CACNA2D3: variants seen among roughly 807,000 people sequenced by gnomAD.
The protein encoded by CACNA2D3 is calcium voltage-gated channel auxiliary subunit alpha2delta 3, also known as voltage-dependent calcium channel subunit alpha-2/delta-3.
In CACNA2D3, 60 loss-of-function variants were observed where a neutral mutation model predicts 160.6. The observed-to-expected ratio is 0.37, with a 90% CI of 0.30 to 0.46. The LOEUF is 0.46. Among genes scored for constraint, CACNA2D3 ranks in the 20% least tolerant of loss-of-function variants. CACNA2D3 has a pLI of 1.00. For missense variants in CACNA2D3, 1,205 were observed against 1,365.0 expected (o/e 0.88, Z 1.85); for synonymous variants, 558 against 492.9 (o/e 1.13, Z -1.75).
intron 27 of CACNA2D3, chr3:54,919,039 AT>A: frequency 3.0e-6 from 2 of 656,700 alleles, no homozygotes; most frequent in Non-Finnish European, 4.7e-6. Flanking sequence ...TAACAACCAT[AT>A]TTTATGATTT....
intron 27 of CACNA2D3, chr3:54,925,023 G>A (rs946720243): frequency 3.7e-6 from 6 of 1,614,150 alleles, no homozygotes; most frequent in Non-Finnish European, 5.1e-6. Flanking sequence ...AAATGCAAAA[G>A]CAGGAAGATG....
At chr3:54,772,895 C>T (rs921754242) in intron 13 of CACNA2D3, among the ~76,000 whole-genome samples, 1 of 152,150 alleles carries the variant, frequency 6.6e-6, no homozygotes, top group Non-Finnish European at 1.5e-5. Context: ...AGTATCAAAC[C>T]AAGGAAGCAT....
At chr3:54,889,324 A>C (rs947073643) in intron 24 of CACNA2D3, among the ~76,000 whole-genome samples, 1 of 152,178 alleles carries the variant, frequency 6.6e-6, no homozygotes, top group Non-Finnish European at 1.5e-5. Context: ...TGCTGTGTGG[A>C]GAACAGAGGG....
chr3:54,679,300 G>T (rs1378307960), intron 11 of CACNA2D3, among the ~76,000 whole-genome samples: 1 of 152,116 alleles, frequency 6.6e-6, no homozygotes, highest in Non-Finnish European at 1.5e-5. Flanking sequence ...GCATTTTCTT[G>T]GGTATTATAT....
chr3:55,037,331 C>A (rs1703844469), intron 35 of CACNA2D3, among the ~76,000 whole-genome samples: 1 of 152,056 alleles, frequency 6.6e-6, no homozygotes, highest in South Asian at 2.1e-4. Flanking sequence ...AGATGGTGAA[C>A]CTACAGCTTA....
chr3:54,881,987 TA>T (rs1473495392), intron 21 of CACNA2D3, among the ~76,000 whole-genome samples: 1 of 152,118 alleles, frequency 6.6e-6, no homozygotes, highest in African/African-American at 2.4e-5. Context: ...TGAGATCGTA[TA>T]GGGGCAGAAA....
At chr3:54,363,270 A>G (rs1698775151) in intron 3 of CACNA2D3, among the ~76,000 whole-genome samples, 1 of 152,142 alleles carries the variant, frequency 6.6e-6, no homozygotes, top group Admixed American at 6.5e-5. Flanking sequence ...AGAGTATTGG[A>G]AAACACACAT....
intron 2 of CACNA2D3, among the ~76,000 whole-genome samples, chr3:54,236,395 G>A (rs184531628): frequency 4.2e-4 from 64 of 152,278 alleles, no homozygotes; most frequent in African/African-American, 1.2e-3. Context: ...GAAACTGGGC[G>A]TGCGACATAT....
intron 11 of CACNA2D3, among the ~76,000 whole-genome samples, chr3:54,687,135 G>GTTTTT (rs1290353261): frequency 2.2e-5 from 2 of 88,896 alleles, no homozygotes; most frequent in East Asian, 3.2e-4. Context: ...TTTTTTTTTT[G>GTTTTT]TTTTTTTTTT....
chr3:54,781,001 A>G (rs1702524910), intron 13 of CACNA2D3, among the ~76,000 whole-genome samples: 1 of 152,228 alleles, frequency 6.6e-6, no homozygotes, highest in Non-Finnish European at 1.5e-5. Context: ...TGATATTCCT[A>G]TTTGGTTACT....
rs572167 is a variant in CACNA2D3 at position 54,611,681 on chromosome 3, G to C, written c.964-16106G>C. ...TCTTTGCTGACTTGGTCTCAGAAAG[G>C]GGGTGGAGTGCAGAGAAGAATCTTT... On this transcript the variant is annotated intron_variant, in intron 9 of 37. Coordinates refer to ENST00000474759, the MANE Select transcript of CACNA2D3 (RefSeq NM_018398.3). Among the ~76,000 whole-genome samples the C allele has an allele frequency of 9.3e-3, 1,423 of 152,286 alleles. 6 individuals are homozygous for C. Among genetic ancestry groups the C allele is most frequent in the Non-Finnish European group, 0.014 (956 of 68,022 alleles).
intron 25 of CACNA2D3, 104 bp downstream of exon 25, chr3:54,891,554 A>T: frequency 1.1e-6 from 1 of 909,334 alleles, no homozygotes; most frequent in Non-Finnish European, 1.7e-6. Context: ...TAGAAACATA[A>T]TTTAGGCCAC....
chr3:54,415,343 G>A (rs564602699), intron 4 of CACNA2D3, among the ~76,000 whole-genome samples: 2 of 152,156 alleles, frequency 1.3e-5, no homozygotes, highest in African/African-American at 2.4e-5. Flanking sequence ...GAATCTGGTG[G>A]CAATCCCGAA....
chr3:54,711,241 A>C (rs996194973), intron 11 of CACNA2D3, among the ~76,000 whole-genome samples: 2 of 152,206 alleles, frequency 1.3e-5, no homozygotes, highest in African/African-American at 4.8e-5. Flanking sequence ...ACTGTGCCTC[A>C]GCGCTCCACA....
intron 2 of CACNA2D3, among the ~76,000 whole-genome samples, chr3:54,255,855 A>G (rs1353516862): frequency 6.6e-6 from 1 of 152,140 alleles, no homozygotes; most frequent in African/African-American, 2.4e-5. Flanking sequence ...TTCTAAACAC[A>G]TTACTTCCAG....
At chr3:54,251,106 T>G (rs1702181163) in intron 2 of CACNA2D3, among the ~76,000 whole-genome samples, 1 of 152,124 alleles carries the variant, frequency 6.6e-6, no homozygotes, top group South Asian at 2.1e-4. Flanking sequence ...TGTAAGTGAC[T>G]TAGGCAGGGT....
In CACNA2D3 at chr3:54,243,877, G is replaced by A. The variant is rs547319559; in HGVS notation, c.205-76565G>A. ...TGACACCAGCCTGCTTTCCTCACTG[G>A]ATGAATATGGAGATGGAAATTAGAA... On this transcript the variant is annotated intron_variant, in intron 2 of 37. Coordinates refer to ENST00000474759, the MANE Select transcript of CACNA2D3 (RefSeq NM_018398.3). Among the ~76,000 whole-genome samples, 10 of 152,302 alleles carry A rather than the reference G, an allele frequency of 6.6e-5. No homozygotes were observed. The South Asian group carries it at 2.1e-3, about 32-fold the overall frequency.
intron 2 of CACNA2D3, among the ~76,000 whole-genome samples, chr3:54,165,759 C>T (rs915346724): frequency 1.8e-4 from 27 of 152,084 alleles, no homozygotes; most frequent in Non-Finnish European, 1.2e-4. Flanking sequence ...GCGCATGCTA[C>T]TGCACTCCAG....
At chr3:54,430,828 TAAAC>T (rs1343388889) in intron 4 of CACNA2D3, among the ~76,000 whole-genome samples, 4 of 152,144 alleles carry the variant, frequency 2.6e-5, no homozygotes, top group Non-Finnish European at 4.4e-5. Context: ...AGTTGACCCT[TAAAC>T]AACACAGGGG....
Sources: gnomAD v4.1 joint callset for allele counts (sites outside exome capture counted in the v4.1 genomes callset) on GRCh38, gnomAD v4.1.1 for gene constraint, MANE v1.5 for transcripts, NCBI Gene and HGNC (gene_info 2026-07-23, HGNC 2026-07-21) for gene names.